The following ANKFN1 variants were observed in gnomAD, a reference collection of about 807,000 sequenced individuals.
The protein encoded by ANKFN1 is ankyrin repeat and fibronectin type-III domain-containing protein 1.
A neutral mutation model predicts 108.7 loss-of-function variants in ANKFN1; 74 were observed. The observed-to-expected ratio is 0.68, with a 90% CI of 0.56 to 0.83. ANKFN1 has a LOEUF of 0.83. ANKFN1 is among the 40% of genes least tolerant of loss of function. The pLI is 0.00. For missense variants in ANKFN1, 1,505 were observed against 1,382.3 expected (o/e 1.09, Z -1.41); for synonymous variants, 547 against 516.2 (o/e 1.06, Z -0.81).
At position 56,434,378 on chromosome 17, in the gene ANKFN1, CAA is replaced by C. The variant is rs58017155; in HGVS notation, c.911-5933_911-5932del. ...GGATGCAAGAAGGCTTTTCTAGTGT[CAA>C]AAAAAAAAAAAAAAAGAAGAAGAAG... On this transcript the variant is annotated intron_variant, in intron 8 of 20. Transcript: ENST00000682825. Among the ~76,000 whole-genome samples, 738 of 127,338 alleles carry C rather than the reference CAA, an allele frequency of 5.8e-3. 2 individuals are homozygous for C. Among genetic ancestry groups the C allele is most frequent in the East Asian group, 7.6e-3 (34 of 4,472 alleles). 83.5% of individuals were successfully genotyped at this position (127,338 alleles called of 152,430 possible). A position where few individuals can be genotyped will look rare whatever the true frequency, so the allele number is the denominator to read the frequency against.
intron 15 of ANKFN1, among the ~76,000 whole-genome samples, chr17:56,476,161 G>A (rs997260854): frequency 7.2e-5 from 11 of 152,110 alleles, no homozygotes; most frequent in African/African-American, 2.4e-4. Context: ...AGGCCCCTCC[G>A]CCAATTGAAC....
At chr17:56,427,338 G>A (rs2145091697) in intron 8 of ANKFN1, among the ~76,000 whole-genome samples, 1 of 152,252 alleles carries the variant, frequency 6.6e-6, no homozygotes, top group Admixed American at 6.5e-5. Context: ...CTTGGCACCA[G>A]TAAGACTCCA....
intron 4 of ANKFN1, among the ~76,000 whole-genome samples, chr17:56,147,438 T>C (rs779731847): frequency 1.3e-5 from 2 of 152,124 alleles, no homozygotes; most frequent in South Asian, 4.1e-4. Context: ...CAGTTTCACA[T>C]TACTAGGGAG....
chr17:56,122,982 T>C (rs1023495398), intron 4 of ANKFN1, among the ~76,000 whole-genome samples: 2 of 152,238 alleles, frequency 1.3e-5, no homozygotes, highest in Non-Finnish European at 2.9e-5. Context: ...CCTCTTTGTA[T>C]AAGGTGAGCC....
At chr17:56,209,328 A>C (rs1258939811) in intron 1 of ANKFN1, among the ~76,000 whole-genome samples, 1 of 152,134 alleles carries the variant, frequency 6.6e-6, no homozygotes, top group African/African-American at 2.4e-5. Flanking sequence ...AGCCAATATC[A>C]CCCAAATACC....
At chr17:56,096,148 G>T (rs1038161414) in intron 4 of ANKFN1, among the ~76,000 whole-genome samples, 4 of 152,174 alleles carry the variant, frequency 2.6e-5, no homozygotes. Context: ...CAAATGACAG[G>T]TCCACATTTG....
intron 1 of ANKFN1, among the ~76,000 whole-genome samples, chr17:56,189,179 T>TTTTTTTTTTTTTTGTTTTG (rs1244013476): frequency 0.012 from 1,358 of 111,248 alleles, 54 homozygotes; most frequent in African/African-American, 0.062. Flanking sequence ...ACTTTTTTTT[T>TTTTTTTTTTTTTTGTTTTG]TTTTTTTTTG....
At chr17:56,142,529 T>G (rs1471968080) in intron 4 of ANKFN1, among the ~76,000 whole-genome samples, 1 of 152,234 alleles carries the variant, frequency 6.6e-6, no homozygotes, top group African/African-American at 2.4e-5. Flanking sequence ...CCTAAAGGGC[T>G]AACTCACCTC....
intron 3 of ANKFN1, among the ~76,000 whole-genome samples, chr17:56,254,540 C>T (rs1182827281): frequency 6.6e-6 from 1 of 152,212 alleles, no homozygotes; most frequent in Non-Finnish European, 1.5e-5. Flanking sequence ...ATCTGCTTTC[C>T]TCTGGCATTT....
intron 1 of ANKFN1, among the ~76,000 whole-genome samples, chr17:56,193,416 A>T (rs1206036184): frequency 6.6e-6 from 1 of 151,978 alleles, no homozygotes; most frequent in Non-Finnish European, 1.5e-5. Context: ...AAAAAAAAAT[A>T]CAGCTAGTAT....
intron 6 of ANKFN1, 70 bp downstream of exon 6, chr17:56,354,116 AT>A: frequency 6.8e-7 from 1 of 1,466,774 alleles, no homozygotes; most frequent in Non-Finnish European, 9.3e-7. Context: ...CAAAATAGCC[AT>A]TGCTGACTTT....
intron 4 of ANKFN1, among the ~76,000 whole-genome samples, chr17:56,349,607 C>T (rs1045133323): frequency 2.6e-5 from 4 of 152,014 alleles, no homozygotes; most frequent in South Asian, 4.2e-4. Flanking sequence ...TATTGAAAGC[C>T]TACAACAACA....
intron 14 of ANKFN1, among the ~76,000 whole-genome samples, chr17:56,465,611 T>C (rs1402630122): frequency 1.3e-5 from 2 of 152,218 alleles, no homozygotes; most frequent in South Asian, 2.1e-4. Context: ...ATTCATCCAG[T>C]GTTCTAGCTT....
chr17:56,361,784 T>C (rs1598459710), intron 6 of ANKFN1, among the ~76,000 whole-genome samples: 1 of 152,112 alleles, frequency 6.6e-6, no homozygotes. Context: ...AGCTTACTCA[T>C]AGTGGCTACT....
intron 8 of ANKFN1, among the ~76,000 whole-genome samples, chr17:56,418,633 G>A (rs2048308692): frequency 6.6e-6 from 1 of 151,964 alleles, no homozygotes; most frequent in South Asian, 2.1e-4. Context: ...TTAAAGCAGA[G>A]ATTATCTGGC....
intron 6 of ANKFN1, chr17:56,368,127 G>T: frequency 1.6e-6 from 2 of 1,257,152 alleles, no homozygotes; most frequent in South Asian, 1.6e-5. Context: ...CAATGAGCCT[G>T]ATCACTATAA....
intron 15 of ANKFN1, among the ~76,000 whole-genome samples, chr17:56,467,285 G>A (rs560857037): frequency 6.6e-6 from 1 of 152,018 alleles, no homozygotes; most frequent in Admixed American, 6.5e-5. Flanking sequence ...TGTGTACATG[G>A]GTGTGTATGT....
intron 17 of ANKFN1, 77 bp downstream of exon 17, chr17:56,480,895 G>A: frequency 4.8e-6 from 6 of 1,253,116 alleles, no homozygotes; most frequent in Non-Finnish European, 6.5e-6. Context: ...TGGGGTGTGT[G>A]TGTGTGTGTG....
intron 6 of ANKFN1, among the ~76,000 whole-genome samples, chr17:56,366,495 C>T (rs2046665464): frequency 6.6e-6 from 1 of 152,204 alleles, no homozygotes; most frequent in Non-Finnish European, 1.5e-5. Flanking sequence ...CATTCACTCA[C>T]CACTCACTCA....
Sources: allele counts gnomAD v4.1 joint callset (sites outside exome capture counted in the v4.1 genomes callset), GRCh38; gene constraint gnomAD v4.1.1; transcripts MANE v1.5; gene names NCBI Gene and HGNC (gene_info 2026-07-23, HGNC 2026-07-21).